IL1RAPL2: variants seen among roughly 807,000 people sequenced by gnomAD.
IL1RAPL2 encodes interleukin 1 receptor accessory protein like 2, also known as X-linked interleukin-1 receptor accessory protein-like 2.
In IL1RAPL2, 3 loss-of-function variants were observed where a neutral mutation model predicts 44.1. That is an observed-to-expected ratio of 0.07 (90% CI 0.03 to 0.18). IL1RAPL2 has a LOEUF of 0.18. Ranked by LOEUF, IL1RAPL2 falls within the 10% of genes least tolerant of loss-of-function variation. IL1RAPL2 has a pLI of 1.00. For missense variants in IL1RAPL2, 391 were observed against 496.4 expected (o/e 0.79, Z 2.02); for synonymous variants, 181 against 178.8 (o/e 1.01, Z -0.10).
chrX:104,896,413 C>A, intron 2 of IL1RAPL2, among the ~76,000 whole-genome samples: 1 of 111,550 alleles, frequency 9.0e-6, no homozygotes, highest in Admixed American at 9.5e-5. Flanking sequence ...CCCTTCTTTG[C>A]CCCTATCCAG....
chrX:104,946,643 C>T (rs1240369221), intron 2 of IL1RAPL2, among the ~76,000 whole-genome samples: 1 of 93,568 alleles, frequency 1.1e-5, no homozygotes, highest in Non-Finnish European at 2.1e-5. Context: ...TCAATTCCCA[C>T]CTATGAGTGA....
chrX:104,781,663 G>T (rs916162814), intron 2 of IL1RAPL2, among the ~76,000 whole-genome samples: 2 of 111,613 alleles, frequency 1.8e-5, no homozygotes, highest in Non-Finnish European at 3.8e-5. Flanking sequence ...GGTTATGGAG[G>T]TCAAGTATTT....
chrX:105,293,828 A>G (rs1416450324), intron 5 of IL1RAPL2, among the ~76,000 whole-genome samples: 1 of 111,891 alleles, frequency 8.9e-6, no homozygotes, highest in East Asian at 2.8e-4. Context: ...GGACCCTTTA[A>G]GCTGTGACAT....
intron 2 of IL1RAPL2, among the ~76,000 whole-genome samples, chrX:104,810,420 TAAA>T (rs892460691): frequency 2.0e-4 from 22 of 110,850 alleles, no homozygotes; most frequent in Non-Finnish European, 3.4e-4. Flanking sequence ...ATAATAATAA[TAAA>T]AGAAAAGAAA....
At chrX:105,288,352 A>G (rs1374849791) in intron 5 of IL1RAPL2, among the ~76,000 whole-genome samples, 1 of 109,719 alleles carries the variant, frequency 9.1e-6, no homozygotes, top group African/African-American at 3.3e-5. Flanking sequence ...TGTGTAAATC[A>G]TATTGGGGTA....
chrX:105,031,836 G>A (rs139797318), intron 2 of IL1RAPL2, among the ~76,000 whole-genome samples: 4,278 of 111,045 alleles, frequency 0.039, 228 homozygotes, highest in African/African-American at 0.13. Flanking sequence ...GTAGAATTGG[G>A]CTTTGAATCC....
chrX:104,574,202 A>G (rs1484146032), intron 1 of IL1RAPL2, among the ~76,000 whole-genome samples: 2 of 111,454 alleles, frequency 1.8e-5, no homozygotes, highest in East Asian at 5.6e-4. Flanking sequence ...AGGTTAATTA[A>G]AAAACTAGGA....
intron 2 of IL1RAPL2, among the ~76,000 whole-genome samples, chrX:105,081,093 C>CT (rs1461319655): frequency 9.0e-6 from 1 of 111,534 alleles, no homozygotes; most frequent in Non-Finnish European, 1.9e-5. Context: ...GCTGAAGTTG[C>CT]TTATCAGCTT....
chrX:104,811,361 G>T (rs370765209), intron 2 of IL1RAPL2, among the ~76,000 whole-genome samples: 3 of 111,648 alleles, frequency 2.7e-5, no homozygotes, highest in Admixed American at 9.6e-5. Context: ...TGGTGATTAC[G>T]GAAGCCAGAG....
intron 2 of IL1RAPL2, among the ~76,000 whole-genome samples, chrX:104,753,701 A>C (rs1462293482): frequency 1.8e-5 from 2 of 111,736 alleles, no homozygotes; most frequent in Non-Finnish European, 3.8e-5. Flanking sequence ...GACTGTATGT[A>C]CTGTGTTTTG....
intron 2 of IL1RAPL2, among the ~76,000 whole-genome samples, chrX:104,952,493 A>G (rs909828159): frequency 8.9e-6 from 1 of 112,234 alleles, no homozygotes; most frequent in Non-Finnish European, 1.9e-5. Flanking sequence ...TTTTAATGCA[A>G]AGAGTGAATT....
chrX:104,982,509 G>C (rs1167124975), intron 2 of IL1RAPL2, among the ~76,000 whole-genome samples: 1 of 110,890 alleles, frequency 9.0e-6, no homozygotes, highest in Non-Finnish European at 1.9e-5. Flanking sequence ...TAGTTTTATA[G>C]TATGTAGCAA....
chrX:104,929,857 T>C (rs1337119298), intron 2 of IL1RAPL2, among the ~76,000 whole-genome samples: 2 of 112,191 alleles, frequency 1.8e-5, no homozygotes, highest in Non-Finnish European at 3.8e-5. Context: ...CTTATAGAAA[T>C]GATGCCCTTT....
rs111851738 is a variant in IL1RAPL2, at chrX:105,151,781, G to GTATATA, written c.83-43684_83-43679dup. Among the ~76,000 whole-genome samples the GTATATA allele has an allele frequency of 1.4e-3, 148 of 107,010 alleles. 1 individual carries two copies. Among genetic ancestry groups the GTATATA allele is most frequent in the African/African-American group, 4.9e-3 (142 of 29,220 alleles). 92.9% of individuals were successfully genotyped at this position (107,010 alleles called of 115,157 possible). ...AACAAGTGGATAAAAAAACTACAGT[G>GTATATA]TATATATATATATATGTGCTGGAAT... On this transcript the variant is annotated intron_variant, in intron 2 of 10. Transcript: ENST00000372582.
chrX:104,662,226 A>G (rs143617642), intron 2 of IL1RAPL2, among the ~76,000 whole-genome samples: 2,142 of 112,228 alleles, frequency 0.019, 51 homozygotes, highest in African/African-American at 0.064. Context: ...AGCACAGGCT[A>G]TGTTTCCATG....
intron 6 of IL1RAPL2, among the ~76,000 whole-genome samples, chrX:105,654,474 A>G (rs1269915403): frequency 8.9e-6 from 1 of 111,866 alleles, no homozygotes; most frequent in Non-Finnish European, 1.9e-5. Context: ...GTTTATAATC[A>G]ATATTCAGTA....
At chrX:104,875,840 C>T (rs1369458150) in intron 2 of IL1RAPL2, among the ~76,000 whole-genome samples, 2 of 111,491 alleles carry the variant, frequency 1.8e-5, no homozygotes, top group Non-Finnish European at 3.8e-5. Flanking sequence ...ACCATATCAT[C>T]TACCTATTTA....
At chrX:105,551,287 C>CAA (rs764140800) in intron 6 of IL1RAPL2, among the ~76,000 whole-genome samples, 10 of 81,817 alleles carry the variant, frequency 1.2e-4, no homozygotes, top group Admixed American at 2.8e-4. Flanking sequence ...TGCACTTTAC[C>CAA]AAAAAAAAAA....
chrX:105,065,339 G>T (rs2032124956), intron 2 of IL1RAPL2, among the ~76,000 whole-genome samples: 1 of 111,439 alleles, frequency 9.0e-6, no homozygotes, highest in Non-Finnish European at 1.9e-5. Flanking sequence ...CTCCTGGGTG[G>T]TCTGAGACTT....
Sources: gnomAD v4.1 joint callset for allele counts (sites outside exome capture counted in the v4.1 genomes callset) on GRCh38, gnomAD v4.1.1 for gene constraint, MANE v1.5 for transcripts, NCBI Gene and HGNC (gene_info 2026-07-23, HGNC 2026-07-21) for gene names.